The following ARL8B variants were observed in gnomAD, a reference collection of about 807,000 sequenced individuals.
The protein encoded by ARL8B is ARF like GTPase 8B.
A neutral mutation model predicts 30.6 loss-of-function variants in ARL8B; 9 were observed. That is an observed-to-expected ratio of 0.29 (90% confidence interval 0.18 to 0.51). ARL8B has a LOEUF of 0.51. Ranked by LOEUF, ARL8B falls within the 20% of genes least tolerant of loss-of-function variation. ARL8B has a pLI of 0.97. For synonymous variants in ARL8B, 74 were observed against 76.0 expected, an observed-to-expected ratio of 0.97 and a Z score of 0.14; for missense variants, 130 against 227.2, an observed-to-expected ratio of 0.57 and a Z score of 2.75.
At chr3:5,175,086 C>T (rs1242074604) in intron 6 of ARL8B, among the ~76,000 whole-genome samples, 1 of 151,948 alleles carries the variant, frequency 6.6e-6, no homozygotes, top group Non-Finnish European at 1.5e-5. Context: ...CAGGTGTGAG[C>T]CCGGCCTATA....
chr3:5,139,352 G>T (rs2054352980), intron 1 of ARL8B, among the ~76,000 whole-genome samples: 1 of 152,146 alleles, frequency 6.6e-6, no homozygotes, highest in South Asian at 2.1e-4. Flanking sequence ...TTTAAAGATA[G>T]TCTTTAATGG....
At chr3:5,160,479 G>A (rs920063337) in intron 1 of ARL8B, among the ~76,000 whole-genome samples, 19 of 152,302 alleles carry the variant, frequency 1.2e-4, no homozygotes, top group African/African-American at 4.3e-4. Context: ...AAGCAAGAAT[G>A]AGTTTTCAGG....
At chr3:5,159,255 G>A (rs1290744494) in intron 1 of ARL8B, among the ~76,000 whole-genome samples, 1 of 136,170 alleles carries the variant, frequency 7.3e-6, no homozygotes, top group African/African-American at 2.9e-5. Flanking sequence ...AGCCACGATC[G>A]CATCAGTGTA....
chr3:5,174,427 T>C lies in ARL8B; in HGVS notation c.511+13T>C. 1.3e-6 allele frequency: 2 copies of C among 1,541,734 alleles called. No homozygotes were observed. The highest frequency in any genetic ancestry group is 1.1e-5 in the South Asian group (1 of 89,348). On this transcript the variant is annotated intron_variant, in intron 6 of 6. Coordinates refer to ENST00000256496, the MANE Select transcript of ARL8B (RefSeq NM_018184.3). ...AAGGATAATATAGGTAAGAAATGAC[T>C]GGTAATTTTGGAAGAAATGGGTATC...
intron 6 of ARL8B, 46 bp downstream of exon 6, chr3:5,174,460 G>T (rs1244572591): frequency 2.4e-6 from 3 of 1,225,554 alleles, no homozygotes; most frequent in East Asian, 4.7e-5. Context: ...ATCATTGGAA[G>T]GAATGTCTAT....
At chr3:5,143,432 A>G (rs1255833060) in intron 1 of ARL8B, among the ~76,000 whole-genome samples, 3 of 152,224 alleles carry the variant, frequency 2.0e-5, no homozygotes, top group Non-Finnish European at 4.4e-5. Context: ...TATAGAGCCA[A>G]CGTGCAATCC....
intron 6 of ARL8B, among the ~76,000 whole-genome samples, chr3:5,176,557 G>A (rs1314476177): frequency 2.0e-5 from 3 of 152,176 alleles, no homozygotes; most frequent in Non-Finnish European, 4.4e-5. Flanking sequence ...TCAGTTTAAA[G>A]TGTGGATAGT....
intron 1 of ARL8B, among the ~76,000 whole-genome samples, chr3:5,135,304 T>A (rs1415525292): frequency 6.7e-6 from 1 of 150,180 alleles, no homozygotes; most frequent in Non-Finnish European, 1.5e-5. Flanking sequence ...TATTTATTTT[T>A]TTTTGAGACA....
chr3:5,129,275 A>G (rs890826798), intron 1 of ARL8B, among the ~76,000 whole-genome samples: 4 of 151,948 alleles, frequency 2.6e-5, no homozygotes, highest in Non-Finnish European at 4.4e-5. Flanking sequence ...CTCGGGTTCA[A>G]GCAATTCTCC....
At chr3:5,136,187 C>T (rs2054324425) in intron 1 of ARL8B, among the ~76,000 whole-genome samples, 1 of 152,134 alleles carries the variant, frequency 6.6e-6, no homozygotes, top group African/African-American at 2.4e-5. Context: ...TCACCGCAGC[C>T]TCTGCCTCCT....
intron 1 of ARL8B, among the ~76,000 whole-genome samples, chr3:5,131,831 G>A (rs1309931952): frequency 1.3e-5 from 2 of 151,800 alleles, no homozygotes. Flanking sequence ...TCAGAGTTCC[G>A]GTAATTTCAG....
At chr3:5,129,439 G>A (rs1462617271) in intron 1 of ARL8B, among the ~76,000 whole-genome samples, 9 of 152,046 alleles carry the variant, frequency 5.9e-5, no homozygotes, top group Non-Finnish European at 8.8e-5. Flanking sequence ...GAAGTAGAAC[G>A]GTATTTTAAA....
intron 5 of ARL8B, 116 bp downstream of exon 5, chr3:5,174,200 T>C: frequency 8.7e-7 from 1 of 1,148,320 alleles, no homozygotes; most frequent in Non-Finnish European, 1.3e-6. Context: ...AAAGTTGGCC[T>C]ATCAGAGAAG....
intron 1 of ARL8B, among the ~76,000 whole-genome samples, chr3:5,125,523 G>A (rs531438842): frequency 6.8e-6 from 1 of 147,264 alleles, no homozygotes; most frequent in Non-Finnish European, 1.5e-5. Context: ...TGAACCAGTG[G>A]CTCCACCATT....
intron 1 of ARL8B, among the ~76,000 whole-genome samples, chr3:5,166,104 A>G (rs995107349): frequency 2.8e-5 from 4 of 144,370 alleles, no homozygotes; most frequent in Admixed American, 7.2e-5. Context: ...CAGTGGCGTG[A>G]TCTTGGCTCG....
rs758808149 is a variant in ARL8B, at chr3:5,122,419, C to T, written c.-47C>T. The T allele has an allele frequency of 1.9e-6, 3 of 1,609,230 alleles. No individual in the cohort carries two copies. The highest frequency in any genetic ancestry group is 2.5e-6 in the Non-Finnish European group (3 of 1,178,652). On this transcript the variant is annotated 5_prime_UTR_variant, in exon 1 of 7. Coordinates refer to ENST00000256496, the MANE Select transcript of ARL8B (RefSeq NM_018184.3). ...CCCGCTCGTGTGGAAGTCGTCGACG[C>T]CGCCGCTCGTCCGTCCTCCCGTCCG...
At chr3:5,123,992 A>G (rs952411368) in intron 1 of ARL8B, among the ~76,000 whole-genome samples, 2 of 151,848 alleles carry the variant, frequency 1.3e-5, no homozygotes, top group South Asian at 2.1e-4. Flanking sequence ...TCCTGCCTCC[A>G]CCTCCTGCGT....
At chr3:5,171,590 C>T (rs1227996299) in intron 2 of ARL8B, among the ~76,000 whole-genome samples, 1 of 152,082 alleles carries the variant, frequency 6.6e-6, no homozygotes, top group African/African-American at 2.4e-5. Flanking sequence ...CCAAGTGATC[C>T]ACCCGCCTCG....
At chr3:5,167,610 T>C (rs569723539) in intron 1 of ARL8B, among the ~76,000 whole-genome samples, 2 of 152,348 alleles carry the variant, frequency 1.3e-5, no homozygotes, top group South Asian at 2.1e-4. Flanking sequence ...AATGTGACTT[T>C]AGGCAAGTGA....
Sources: allele counts gnomAD v4.1 joint callset (sites outside exome capture counted in the v4.1 genomes callset), GRCh38; gene constraint gnomAD v4.1.1; transcripts MANE v1.5; gene names NCBI Gene and HGNC (gene_info 2026-07-23, HGNC 2026-07-21).